The following KLHL6 variants were observed in gnomAD, a reference collection of about 807,000 sequenced individuals.
KLHL6 encodes the protein kelch-like protein 6.
A neutral mutation model predicts 58.6 loss-of-function variants in KLHL6; 41 were observed. The observed-to-expected ratio is 0.70, with a 90% CI of 0.55 to 0.91. KLHL6 has a LOEUF of 0.91. Ranked by LOEUF, KLHL6 falls within the 40% of genes least tolerant of loss-of-function variation. The pLI, the probability that KLHL6 is intolerant of heterozygous loss-of-function variation, is 0.00. For synonymous variants in KLHL6, 338 were observed against 322.7 expected (o/e 1.05, Z -0.51); for missense variants, 714 against 805.6 (o/e 0.89, Z 1.38).
chr3:183,546,950 C>T (rs1712741290), intron 1 of KLHL6, among the ~76,000 whole-genome samples: 2 of 142,036 alleles, frequency 1.4e-5, no homozygotes, highest in Non-Finnish European at 1.5e-5. Flanking sequence ...CTCACTCTGT[C>T]GTCCAGGTTG....
intron 1 of KLHL6, 37 bp downstream of exon 1, chr3:183,555,324 T>C (rs1713070124): frequency 6.3e-7 from 1 of 1,594,766 alleles, no homozygotes; most frequent in Non-Finnish European, 8.6e-7. Context: ...TCCTTGCAAC[T>C]TGCACCCAAT....
At chr3:183,543,541 CTGT>C (rs1712621948) in intron 1 of KLHL6, among the ~76,000 whole-genome samples, 1 of 152,198 alleles carries the variant, frequency 6.6e-6, no homozygotes. Context: ...TCCCTAATCT[CTGT>C]TCTCTTCTGT....
chr3:183,528,923 T>A (rs1005670760), intron 1 of KLHL6, among the ~76,000 whole-genome samples: 10 of 151,958 alleles, frequency 6.6e-5, no homozygotes, highest in African/African-American at 2.4e-4. Context: ...ATAGACTGGA[T>A]AAAGAAAATG....
intron 1 of KLHL6, among the ~76,000 whole-genome samples, chr3:183,554,930 G>A (rs527365593): frequency 2.2e-4 from 34 of 152,184 alleles, no homozygotes; most frequent in East Asian, 1.9e-3. Context: ...TTTGGGAGGC[G>A]GAGGCGGGTG....
intron 2 of KLHL6, among the ~76,000 whole-genome samples, chr3:183,510,874 A>AAAATAAAT (rs55944280): frequency 0.02 from 3,016 of 148,258 alleles, 131 homozygotes; most frequent in East Asian, 0.18. Flanking sequence ...ACTCCATCTC[A>AAAATAAAT]AAATAAATAA....
chr3:183,533,755 G>A (rs1293051352), intron 1 of KLHL6, among the ~76,000 whole-genome samples: 1 of 151,808 alleles, frequency 6.6e-6, no homozygotes, highest in Non-Finnish European at 1.5e-5. Flanking sequence ...CAAGGTGATC[G>A]TCCCCCCTCT....
chr3:183,504,176 G>A (rs1385411203), intron 3 of KLHL6, among the ~76,000 whole-genome samples: 9 of 152,206 alleles, frequency 5.9e-5, no homozygotes, highest in African/African-American at 2.2e-4. Context: ...GAACCAAGTG[G>A]CAATGGCAAC....
At chr3:183,525,464 T>C (rs1190908461) in intron 2 of KLHL6, among the ~76,000 whole-genome samples, 3 of 152,182 alleles carry the variant, frequency 2.0e-5, no homozygotes, top group Admixed American at 6.5e-5. Context: ...CCTGGAAATA[T>C]GCTGTACTTT....
At chr3:183,540,599 T>C (rs1712520322) in intron 1 of KLHL6, among the ~76,000 whole-genome samples, 1 of 152,042 alleles carries the variant, frequency 6.6e-6, no homozygotes, top group South Asian at 2.1e-4. Context: ...TGAGACAAGA[T>C]CTCTCTGTTG....
At chr3:183,513,215 A>G (rs1226754724) in intron 2 of KLHL6, among the ~76,000 whole-genome samples, 1 of 152,252 alleles carries the variant, frequency 6.6e-6, no homozygotes, top group Non-Finnish European at 1.5e-5. Context: ...GCCAGACTCT[A>G]CATACTAACT....
At chr3:183,540,186 A>G (rs961217272) in intron 1 of KLHL6, among the ~76,000 whole-genome samples, 2 of 152,200 alleles carry the variant, frequency 1.3e-5, no homozygotes, top group African/African-American at 4.8e-5. Context: ...TTTCTTTGGA[A>G]TTACTGAGAA....
intron 2 of KLHL6, among the ~76,000 whole-genome samples, chr3:183,523,702 G>GTT (rs11389888): frequency 1.3e-3 from 149 of 117,452 alleles, no homozygotes; most frequent in African/African-American, 3.2e-3. Flanking sequence ...GTTGTTGTTT[G>GTT]TTTTTTTTCC....
At position 183,503,033 on chromosome 3, in the gene KLHL6, T is replaced by C. The variant is rs56114799; in HGVS notation, c.910-3206A>G. The stretch of plus-strand genomic sequence containing the variant: ...ATACTAACCCCAAAGCCATGACAAA[T>C]GTCAATCTGAAGTCTGAGACGTGCC... On this transcript the variant is annotated intron_variant, in intron 3 of 6. Transcript: ENST00000341319. Among the ~76,000 whole-genome samples, 775 of 152,354 alleles carry C rather than the reference T, an allele frequency of 5.1e-3. 10 individuals carry two copies. Among genetic ancestry groups the C allele is most frequent in the African/African-American group, 0.017 (719 of 41,578 alleles).
intron 4 of KLHL6, among the ~76,000 whole-genome samples, chr3:183,497,973 C>T (rs1229556793): frequency 4.4e-4 from 67 of 152,302 alleles, no homozygotes; most frequent in Non-Finnish European, 2.9e-5. Flanking sequence ...CAGTGGCTCA[C>T]GCTTGTAATC....
chr3:183,555,445 G>A lies in KLHL6; in HGVS notation c.209C>T (p.Ala70Val). 6.2e-7 allele frequency: 1 copy of A among 1,614,154 alleles called. No homozygotes were observed. The highest frequency in any genetic ancestry group is 8.5e-7 in the Non-Finnish European group (1 of 1,180,008). Residue 70 changes from alanine to valine, a missense_variant, in exon 1 of 7, where the codon GCT (alanine) becomes GTT (valine). Ala to Val is a moderately conservative substitution (Grantham distance 64, BLOSUM62 0). Around this residue, in one of 2 missense-constraint regions of KLHL6, gnomAD observed 204 missense variants for 175.9 expected, o/e 1.16. Coordinates refer to ENST00000341319, the MANE Select transcript of KLHL6 (RefSeq NM_130446.4). The stretch of plus-strand genomic sequence containing the variant: ...CACACACAAGATGACATCTGTCAGA[G>A]CGTTTTCCATTCGCAGGGTTTCCAG... ...NGLETLRMEN[A>V]LTDVILCVDI...
intron 2 of KLHL6, chr3:183,520,853 G>A (rs1159841163): frequency 6.6e-6 from 1 of 151,704 alleles, no homozygotes; most frequent in Non-Finnish European, 1.5e-5. Flanking sequence ...GAAGACAGAT[G>A]CCTTCCTCTT....
At chr3:183,493,755 A>C (rs1356308606) in intron 5 of KLHL6, 1 of 348,816 alleles carries the variant, frequency 2.9e-6, no homozygotes, top group Non-Finnish European at 5.3e-6. Flanking sequence ...TGAGGAGACA[A>C]GACTCTACAC....
chr3:183,546,345 G>A (rs888273002), intron 1 of KLHL6, among the ~76,000 whole-genome samples: 5 of 152,178 alleles, frequency 3.3e-5, no homozygotes, highest in Non-Finnish European at 7.4e-5. Context: ...ATTGGAAGCC[G>A]TTGATATCAA....
At chr3:183,501,281 C>T (rs745979426) in intron 3 of KLHL6, among the ~76,000 whole-genome samples, 2 of 152,238 alleles carry the variant, frequency 1.3e-5, no homozygotes, top group South Asian at 2.1e-4. Context: ...CAAAGACAAA[C>T]TTTGCTGCTC....
Sources: gnomAD v4.1 joint callset for allele counts (sites outside exome capture counted in the v4.1 genomes callset) on GRCh38, gnomAD v4.1.1 for gene constraint, gnomAD v4.1.1 regional missense constraint, MANE v1.5 for transcripts, NCBI Gene and HGNC (gene_info 2026-07-23, HGNC 2026-07-21) for gene names.